DLG2: variants seen among roughly 807,000 people sequenced by gnomAD.
DLG2 encodes the protein disks large homolog 2.
A neutral mutation model predicts 132.5 loss-of-function variants in DLG2; 45 were observed. That is an observed-to-expected ratio of 0.34 (90% CI 0.27 to 0.44). DLG2 has a LOEUF of 0.44. Ranked by LOEUF, DLG2 falls within the 20% of genes least tolerant of loss-of-function variation. The pLI, the probability that DLG2 is intolerant of heterozygous loss-of-function variation, is 1.00. For synonymous variants in DLG2, 424 were observed against 419.6 expected, an observed-to-expected ratio of 1.01 and a Z score of -0.13; for missense variants, 1,045 against 1,196.9, an observed-to-expected ratio of 0.87 and a Z score of 1.87.
At chr11:84,048,895 AAAG>A (rs1321057026) in intron 11 of DLG2, among the ~76,000 whole-genome samples, 3 of 151,904 alleles carry the variant, frequency 2.0e-5, no homozygotes, top group Admixed American at 1.3e-4. Flanking sequence ...ATCAGGGAAA[AAAG>A]AAGAATTTTG....
intron 4 of DLG2, among the ~76,000 whole-genome samples, chr11:85,252,046 TC>T (rs922786596): frequency 3.9e-5 from 6 of 152,166 alleles, no homozygotes; most frequent in African/African-American, 1.4e-4. Context: ...TGAAGGAGTT[TC>T]CTCAGGCCAA....
At chr11:85,282,670 A>G (rs555580678) in intron 4 of DLG2, among the ~76,000 whole-genome samples, 1 of 152,094 alleles carries the variant, frequency 6.6e-6, no homozygotes, top group South Asian at 2.1e-4. Flanking sequence ...TTAGAATAAA[A>G]AGTATATATT....
At position 85,017,960 on chromosome 11, in the gene DLG2, T is replaced by C. The variant is rs550606294; in HGVS notation, c.357+93701A>G. ...CCACATAAGGAACACGGGGCCTTCA[T>C]TTCTCTTGGAAAACTGATATCCCTA... On this transcript the variant is annotated intron_variant, in intron 6 of 27. Transcript: ENST00000376104. Among the ~76,000 whole-genome samples the C allele has an allele frequency of 2.0e-5, 3 of 152,318 alleles. No individual in the cohort carries two copies. The East Asian group carries it at 5.8e-4, about 29-fold the overall frequency.
At chr11:85,228,219 TGACTAAC>T in intron 4 of DLG2, among the ~76,000 whole-genome samples, 1 of 152,080 alleles carries the variant, frequency 6.6e-6, no homozygotes. Context: ...ATTTATGGAA[TGACTAAC>T]TAGTAAAGGC....
chr11:84,923,287 A>G, intron 6 of DLG2: 1 of 1,451,892 alleles, frequency 6.9e-7, no homozygotes, highest in Non-Finnish European at 9.1e-7. Context: ...TCTTGAAGGC[A>G]CTGAGTGAGA....
At chr11:84,366,860 A>G (rs542639685) in intron 7 of DLG2, among the ~76,000 whole-genome samples, 8 of 152,204 alleles carry the variant, frequency 5.3e-5, no homozygotes, top group Admixed American at 4.6e-4. Context: ...CACATTAATA[A>G]TGGGAGACTT....
At chr11:85,452,084 G>C (rs2092267200) in intron 3 of DLG2, among the ~76,000 whole-genome samples, 1 of 151,828 alleles carries the variant, frequency 6.6e-6, no homozygotes, top group Non-Finnish European at 1.5e-5. Context: ...AATACAAACT[G>C]TGGTATTTTT....
At chr11:85,332,813 T>C (rs1481856725) in intron 3 of DLG2, among the ~76,000 whole-genome samples, 1 of 152,188 alleles carries the variant, frequency 6.6e-6, no homozygotes, top group Non-Finnish European at 1.5e-5. Context: ...CATTGGTCTG[T>C]CTGTTTTCCT....
At chr11:85,616,884 C>A (rs2081374131) in intron 2 of DLG2, among the ~76,000 whole-genome samples, 1 of 152,134 alleles carries the variant, frequency 6.6e-6, no homozygotes, top group South Asian at 2.1e-4. Context: ...ATGACTCGGA[C>A]ATATCAAATA....
chr11:85,583,130 G>GTGTGTATATATATATA (rs1555190569), intron 3 of DLG2, among the ~76,000 whole-genome samples: 7 of 13,604 alleles, frequency 5.1e-4, no homozygotes, highest in Non-Finnish European at 6.3e-4. Flanking sequence ...GTGTGTGTGT[G>GTGTGTATATATATATA]TATATATATA....
intron 15 of DLG2, among the ~76,000 whole-genome samples, chr11:83,885,681 T>A (rs1372768080): frequency 1.3e-5 from 2 of 152,082 alleles, no homozygotes; most frequent in Non-Finnish European, 2.9e-5. Flanking sequence ...GGAAAAAATG[T>A]TAAGGGCAGC....
chr11:84,693,334 C>A (rs1194477360), intron 6 of DLG2, among the ~76,000 whole-genome samples: 1 of 151,632 alleles, frequency 6.6e-6, no homozygotes, highest in African/African-American at 2.4e-5. Flanking sequence ...GCCATGGTAG[C>A]AGCTGGGATT....
At chr11:84,032,112 C>T (rs2095714299) in intron 11 of DLG2, among the ~76,000 whole-genome samples, 1 of 152,108 alleles carries the variant, frequency 6.6e-6, no homozygotes, top group Non-Finnish European at 1.5e-5. Flanking sequence ...CCCCAAGACC[C>T]CGAGGCTAAA....
At chr11:85,488,978 GAATTCT>G (rs1445243967) in intron 3 of DLG2, among the ~76,000 whole-genome samples, 2 of 151,872 alleles carry the variant, frequency 1.3e-5, no homozygotes, top group Non-Finnish European at 2.9e-5. Context: ...TACCACTATA[GAATTCT>G]ACCAAACCAC....
rs1302549512 is a variant in DLG2, at chr11:84,214,240, A to AAT, written c.573+36996_573+36997dup. ...ATGAATACATATATACATATATATG[A>AAT]ATATATATATACATATATATGAATA... On this transcript the variant is annotated intron_variant, in intron 8 of 27. Coordinates refer to ENST00000376104, the MANE Select transcript of DLG2 (RefSeq NM_001142699.3). Among the ~76,000 whole-genome samples, 20 of 129,288 alleles carry AAT rather than the reference A, an allele frequency of 1.5e-4. 2 individuals carry two copies. The highest frequency in any genetic ancestry group is 8.0e-4 in the African/African-American group (19 of 23,876). 84.8% of individuals were successfully genotyped at this position (129,288 alleles called of 152,430 possible).
intron 7 of DLG2, among the ~76,000 whole-genome samples, chr11:84,373,186 T>A (rs2098712957): frequency 7.2e-6 from 1 of 139,104 alleles, no homozygotes. Flanking sequence ...GACGACTATC[T>A]GGATGATCTC....
intron 21 of DLG2, among the ~76,000 whole-genome samples, chr11:83,508,403 ATTTTTTT>A (rs746968613): frequency 3.7e-5 from 3 of 80,238 alleles, no homozygotes; most frequent in African/African-American, 6.3e-5. Flanking sequence ...CGCCTGGCTA[ATTTTTTT>A]TTTTTTTTTT....
At chr11:84,254,137 A>G (rs934824896) in intron 7 of DLG2, among the ~76,000 whole-genome samples, 1 of 152,158 alleles carries the variant, frequency 6.6e-6, no homozygotes, top group Admixed American at 6.5e-5. Context: ...AACTCTCTGA[A>G]TATCACATGT....
chr11:84,693,942 T>A (rs944417631), intron 6 of DLG2, among the ~76,000 whole-genome samples: 1 of 151,674 alleles, frequency 6.6e-6, no homozygotes, highest in African/African-American at 2.4e-5. Flanking sequence ...AACTCCTCTC[T>A]ATGGGTTTTT....
Sources: gnomAD v4.1 joint callset for allele counts (sites outside exome capture counted in the v4.1 genomes callset) on GRCh38, gnomAD v4.1.1 for gene constraint, MANE v1.5 for transcripts, NCBI Gene and HGNC (gene_info 2026-07-23, HGNC 2026-07-21) for gene names.